The following INVS variants were observed in gnomAD, a reference collection of about 807,000 sequenced individuals.
INVS encodes the protein inversin, also known as inversion of embryo turning homolog.
In INVS, 86 loss-of-function variants were observed where a neutral mutation model predicts 108.8. The ratio of observed to expected loss-of-function variants is 0.79; its 90% CI spans 0.66 to 0.95. INVS has a LOEUF of 0.95. Ranked by LOEUF, INVS falls within the 40% of genes least tolerant of loss-of-function variation. The probability of loss-of-function intolerance (pLI) is 0.00; values close to 1 mark genes in which losing one functional copy is unlikely to be tolerated. For missense variants in INVS, 1,169 were observed against 1,297.4 expected, an observed-to-expected ratio of 0.90 and a Z score of 1.52; for synonymous variants, 455 against 473.5, an observed-to-expected ratio of 0.96 and a Z score of 0.51.
chr9:100,147,238 T>G (rs534561897), intron 3 of INVS, among the ~76,000 whole-genome samples: 40 of 152,330 alleles, frequency 2.6e-4, no homozygotes, highest in African/African-American at 8.9e-4. Flanking sequence ...CTCAGTCTTC[T>G]GTAAAATGAC....
intron 8 of INVS, among the ~76,000 whole-genome samples, chr9:100,250,575 G>T (rs139221986): frequency 6.6e-6 from 1 of 152,146 alleles, no homozygotes; most frequent in African/African-American, 2.4e-5. Flanking sequence ...CAGGCTATAT[G>T]GACAAAGATT....
At chr9:100,161,583 T>C (rs1829189826) in intron 3 of INVS, among the ~76,000 whole-genome samples, 1 of 152,024 alleles carries the variant, frequency 6.6e-6, no homozygotes, top group South Asian at 2.1e-4. Flanking sequence ...CCCCAGTGAC[T>C]AAGACCATAA....
At chr9:100,152,708 A>G (rs1394625303) in intron 3 of INVS, among the ~76,000 whole-genome samples, 1 of 152,210 alleles carries the variant, frequency 6.6e-6, no homozygotes, top group Non-Finnish European at 1.5e-5. Flanking sequence ...TTGTCTAAAT[A>G]TGTGGTCTTT....
chr9:100,114,501 A>G (rs1020006828), intron 2 of INVS, among the ~76,000 whole-genome samples: 8 of 146,900 alleles, frequency 5.4e-5, no homozygotes, highest in African/African-American at 2.0e-4. Context: ...TCCTAGGCTC[A>G]AGCGATCCTC....
chr9:100,166,603 C>T (rs994197909), intron 3 of INVS, among the ~76,000 whole-genome samples: 14 of 152,212 alleles, frequency 9.2e-5, no homozygotes. Flanking sequence ...TTCAATTCAA[C>T]TAACACACAC....
At chr9:100,254,191 T>C (rs986122177) in intron 10 of INVS, among the ~76,000 whole-genome samples, 2 of 152,246 alleles carry the variant, frequency 1.3e-5, no homozygotes, top group Non-Finnish European at 2.9e-5. Context: ...TTTTCATGTG[T>C]CTGTTGGCTG....
At chr9:100,111,882 A>G (rs1827346657) in intron 2 of INVS, among the ~76,000 whole-genome samples, 1 of 152,202 alleles carries the variant, frequency 6.6e-6, no homozygotes. Context: ...CATTATTCAG[A>G]AACTAGCCAT....
intron 3 of INVS, among the ~76,000 whole-genome samples, chr9:100,182,463 G>A (rs1015819817): frequency 1.3e-5 from 2 of 151,316 alleles, no homozygotes; most frequent in South Asian, 2.1e-4. Context: ...AAACAGACAC[G>A]TCTCAAAAAA....
At chr9:100,112,383 A>G (rs977623142) in intron 2 of INVS, among the ~76,000 whole-genome samples, 4 of 152,344 alleles carry the variant, frequency 2.6e-5, no homozygotes, top group South Asian at 4.1e-4. Context: ...GGAAATACAT[A>G]TATCGGTTAC....
chr9:100,236,065 T>C (rs1038782053), intron 5 of INVS, among the ~76,000 whole-genome samples: 14 of 152,206 alleles, frequency 9.2e-5, no homozygotes, highest in African/African-American at 3.4e-4. Context: ...CTTTTCATTA[T>C]TTTTTCTCTA....
rs139987723 is a variant in INVS at position 100,201,606 on chromosome 9, C to T, written c.274-24456C>T. The stretch of plus-strand genomic sequence containing the variant: ...TCTGCAAAGATAAAAGAATCTCAAC[C>T]ACTTGCTAATTATAGACATAAATTT... On this transcript the variant is annotated intron_variant, in intron 3 of 16. Transcript: ENST00000262457. Among the ~76,000 whole-genome samples, 314 of 152,278 alleles carry T rather than the reference C, an allele frequency of 2.1e-3. 1 individual carries two copies. The highest frequency in any genetic ancestry group is 7.2e-3 in the African/African-American group (300 of 41,558).
At chr9:100,191,345 C>G (rs1830215791) in intron 3 of INVS, among the ~76,000 whole-genome samples, 1 of 152,086 alleles carries the variant, frequency 6.6e-6, no homozygotes, top group Non-Finnish European at 1.5e-5. Flanking sequence ...TTACATAATC[C>G]CATATGTTTT....
intron 5 of INVS, among the ~76,000 whole-genome samples, chr9:100,236,373 T>C (rs1831687425): frequency 6.6e-6 from 1 of 152,196 alleles, no homozygotes; most frequent in African/African-American, 2.4e-5. Flanking sequence ...ATCAAACTCA[T>C]TCTCTGTCCA....
intron 5 of INVS, among the ~76,000 whole-genome samples, chr9:100,233,159 T>C (rs1382040652): frequency 6.6e-6 from 1 of 152,178 alleles, no homozygotes; most frequent in African/African-American, 2.4e-5. Flanking sequence ...TCACTCATGA[T>C]TTGCTCTTTG....
intron 10 of INVS, among the ~76,000 whole-genome samples, chr9:100,258,598 T>C (rs1280866708): frequency 2.0e-5 from 3 of 152,206 alleles, no homozygotes; most frequent in African/African-American, 7.2e-5. Context: ...GGGATTTTGG[T>C]GTGGATGTCC....
At chr9:100,253,443 CT>C (rs2118566137) in intron 10 of INVS, among the ~76,000 whole-genome samples, 1 of 150,856 alleles carries the variant, frequency 6.6e-6, no homozygotes, top group East Asian at 2.0e-4. Flanking sequence ...ACTTTAAGTT[CT>C]AGGGTACATG....
At chr9:100,298,124 G>A (rs1302221954) in intron 16 of INVS, 114 bp downstream of exon 16, 2 of 1,572,908 alleles carry the variant, frequency 1.3e-6, no homozygotes, top group Admixed American at 3.7e-5. Flanking sequence ...GTTTTCCAAT[G>A]GTCATTTGAT....
intron 5 of INVS, among the ~76,000 whole-genome samples, chr9:100,239,435 T>A (rs1453828347): frequency 1.3e-5 from 2 of 152,318 alleles, no homozygotes; most frequent in Middle Eastern, 3.4e-3. Flanking sequence ...TACATACATA[T>A]ATACAAAAGT....
At chr9:100,293,175 C>G in intron 14 of INVS, 132 bp downstream of exon 14, 1 of 776,656 alleles carries the variant, frequency 1.3e-6, no homozygotes, top group Non-Finnish European at 2.2e-6. Context: ...ATAGAGCCTA[C>G]CCATGAAATT....
Sources: allele counts gnomAD v4.1 joint callset (sites outside exome capture counted in the v4.1 genomes callset), GRCh38; gene constraint gnomAD v4.1.1; transcripts MANE v1.5; gene names NCBI Gene and HGNC (gene_info 2026-07-23, HGNC 2026-07-21).